Variants in RAP2A observed in about 807,000 individuals in gnomAD.
The protein encoded by RAP2A is RAP2A, member of RAS oncogene family, also known as ras-related protein Rap-2a.
In RAP2A, 5 loss-of-function variants were observed where a neutral mutation model predicts 15.1. The ratio of observed to expected loss-of-function variants is 0.33; its 90% CI spans 0.17 to 0.70. The LOEUF (loss-of-function observed/expected upper bound fraction) is 0.70. Ranked by LOEUF, RAP2A falls within the 30% of genes least tolerant of loss-of-function variation. RAP2A has a pLI of 0.68. For missense variants in RAP2A, 111 were observed against 240.3 expected, an observed-to-expected ratio of 0.46 and a Z score of 3.56; for synonymous variants, 110 against 99.7, an observed-to-expected ratio of 1.10 and a Z score of -0.62.
intron 1 of RAP2A, among the ~76,000 whole-genome samples, chr13:97,435,465 C>CA (rs35791914): frequency 0.34 from 21,709 of 63,430 alleles, 2,692 homozygotes; most frequent in Non-Finnish European, 0.41. Flanking sequence ...TAACCCCTTC[C>CA]AAAAAAAAAA....
chr13:97,456,715 C>A (rs2066724469), intron 1 of RAP2A, among the ~76,000 whole-genome samples: 1 of 145,036 alleles, frequency 6.9e-6, no homozygotes, highest in Non-Finnish European at 1.5e-5. Flanking sequence ...TCATTACTCT[C>A]CTTACTTTTT....
chr13:97,438,860 A>C (rs1052395247), intron 1 of RAP2A, among the ~76,000 whole-genome samples: 2 of 152,228 alleles, frequency 1.3e-5, no homozygotes, highest in African/African-American at 4.8e-5. Flanking sequence ...TGTTGAAAAA[A>C]TGAATGTTCA....
At chr13:97,444,184 A>ATAGACCTTGAGTGCT (rs1415815021) in intron 1 of RAP2A, among the ~76,000 whole-genome samples, 11 of 152,204 alleles carry the variant, frequency 7.2e-5, no homozygotes, top group Admixed American at 1.3e-4. Context: ...AACTTATAGC[A>ATAGACCTTGAGTGCT]TAGACCTTGA....
intron 1 of RAP2A, among the ~76,000 whole-genome samples, chr13:97,460,927 G>A (rs1035294517): frequency 2.0e-5 from 3 of 152,040 alleles, no homozygotes; most frequent in South Asian, 4.1e-4. Flanking sequence ...CCCTCAACTC[G>A]GTTTGCCCTC....
Position 97,467,625 on chromosome 13 carries a change from G to A in RAP2A, c.*3183G>A, listed in dbSNP as rs2139045386. The A allele has an allele frequency of 6.6e-6, 1 of 151,272 alleles. No homozygotes were observed. The highest frequency in any genetic ancestry group is 2.1e-4 in the South Asian group (1 of 4,786). 9.4% of individuals were successfully genotyped at this position (151,272 alleles called of 1,614,324 possible). ...TTATCAGCAGTCTTGTGTTAGCACT[G>A]GGTAAGCTTTAATTGTCCCTTAGCC... On this transcript the variant is annotated 3_prime_UTR_variant, in exon 2 of 2. Coordinates refer to ENST00000245304, the MANE Select transcript of RAP2A (RefSeq NM_021033.7).
intron 1 of RAP2A, among the ~76,000 whole-genome samples, chr13:97,450,806 T>TA (rs1350823445): frequency 2.0e-5 from 3 of 152,246 alleles, no homozygotes; most frequent in Admixed American, 6.5e-5. Context: ...CATTTCTAAT[T>TA]AAAAAAACAG....
chr13:97,463,217 G>C (rs530482627), intron 1 of RAP2A, among the ~76,000 whole-genome samples: 1 of 152,262 alleles, frequency 6.6e-6, no homozygotes, highest in South Asian at 2.1e-4. Context: ...ACATAAAGAA[G>C]AATAGTAAAT....
chr13:97,447,090 G>A (rs1419616354), intron 1 of RAP2A, among the ~76,000 whole-genome samples: 1 of 152,114 alleles, frequency 6.6e-6, no homozygotes, highest in Non-Finnish European at 1.5e-5. Flanking sequence ...AAAATTTATT[G>A]AAGATGATTG....
Position 97,452,092 on chromosome 13 carries a change from CACTT to C in RAP2A, c.315-12111_315-12108del, listed in dbSNP as rs1010835727. Among the ~76,000 whole-genome samples the C allele has an allele frequency of 2.6e-5, 4 of 151,246 alleles. 1 individual carries two copies. The highest frequency in any genetic ancestry group is 5.9e-5 in the Non-Finnish European group (4 of 67,792). On this transcript the variant is annotated intron_variant, in intron 1 of 1. Transcript: ENST00000245304. ...CCAATCTTTGGCTTACCTTTTCACT[CACTT>C]AATAGTTTCCTTGAGTGAGCATAAA...
At chr13:97,443,645 A>G (rs1190505010) in intron 1 of RAP2A, among the ~76,000 whole-genome samples, 2 of 152,196 alleles carry the variant, frequency 1.3e-5, no homozygotes, top group Admixed American at 6.5e-5. Flanking sequence ...GACTACCTCA[A>G]CTGCCCAAAG....
intron 1 of RAP2A, among the ~76,000 whole-genome samples, chr13:97,438,558 G>T (rs1187335045): frequency 1.3e-5 from 2 of 152,104 alleles, no homozygotes; most frequent in African/African-American, 4.8e-5. Flanking sequence ...ACTCCCACAA[G>T]CTTAGTGTTC....
At chr13:97,435,958 G>A (rs746925484) in intron 1 of RAP2A, 27 of 152,128 alleles carry the variant, frequency 1.8e-4, no homozygotes, top group Non-Finnish European at 3.1e-4. Flanking sequence ...AAAGAGCAAG[G>A]ACCAAGTTAT....
chr13:97,449,928 T>C (rs2066695183), intron 1 of RAP2A, among the ~76,000 whole-genome samples: 1 of 151,972 alleles, frequency 6.6e-6, no homozygotes, highest in Non-Finnish European at 1.5e-5. Flanking sequence ...AACCTGAGTT[T>C]TCTAGAAAGC....
chr13:97,463,357 T>TA (rs1328084754), intron 1 of RAP2A, among the ~76,000 whole-genome samples: 1 of 152,228 alleles, frequency 6.6e-6, no homozygotes, highest in Non-Finnish European at 1.5e-5. Context: ...TCTTATCACT[T>TA]ACTATTTTTA....
chr13:97,439,908 A>ATG (rs2066650068), intron 1 of RAP2A, among the ~76,000 whole-genome samples: 1 of 151,934 alleles, frequency 6.6e-6, no homozygotes, highest in Admixed American at 6.6e-5. Flanking sequence ...TTTTTTTAAG[A>ATG]TTATTATTAA....
intron 1 of RAP2A, among the ~76,000 whole-genome samples, chr13:97,452,954 T>A (rs2066708941): frequency 6.6e-6 from 1 of 151,442 alleles, no homozygotes; most frequent in Non-Finnish European, 1.5e-5. Context: ...AATTCTAATA[T>A]GTTTGAATTC....
Position 97,434,636 on chromosome 13 carries a change from C to T in RAP2A, c.166C>T (p.Leu56=), listed in dbSNP as rs1020308076. 4.3e-6 allele frequency: 7 copies of T among 1,614,136 alleles called. No homozygotes were observed. In the South Asian group the frequency reaches 6.6e-5, roughly 15 times the overall value. Residue 56 remains leucine (L), a synonymous_variant, in exon 1 of 2, where the codon CTG becomes TTG. Coordinates refer to ENST00000245304, the MANE Select transcript of RAP2A (RefSeq NM_021033.7). ...TTCGTCGCCGTCGGTGCTGGAGATC[C>T]TGGACACGGCGGGCACCGAGCAGTT... ...VDSSPSVLEI[L]DTAGTEQFAS... is the part of the protein sequence containing the mutation.
chr13:97,452,999 C>CTT (rs1286848819), intron 1 of RAP2A, among the ~76,000 whole-genome samples: 1 of 150,712 alleles, frequency 6.6e-6, no homozygotes, highest in Non-Finnish European at 1.5e-5. Context: ...ACAACCCTTA[C>CTT]TTTTTAAAAC....
At chr13:97,454,890 C>T (rs1234772649) in intron 1 of RAP2A, among the ~76,000 whole-genome samples, 9 of 151,194 alleles carry the variant, frequency 6.0e-5, no homozygotes, top group Admixed American at 5.9e-4. Context: ...ATACAGTATT[C>T]TGTGTTGACA....
Sources: gnomAD v4.1 joint callset for allele counts (sites outside exome capture counted in the v4.1 genomes callset) on GRCh38, gnomAD v4.1.1 for gene constraint, MANE v1.5 for transcripts, NCBI Gene and HGNC (gene_info 2026-07-23, HGNC 2026-07-21) for gene names.